The following DENND5B variants were observed in gnomAD, a reference collection of about 807,000 sequenced individuals.
DENND5B encodes the protein DENN domain containing 5B.
A neutral mutation model predicts 140.6 loss-of-function variants in DENND5B; 34 were observed. The observed-to-expected ratio is 0.24, with a 90% CI of 0.18 to 0.32. The LOEUF is 0.32. DENND5B is among the 10% of genes least tolerant of loss of function. The pLI, the probability that DENND5B is intolerant of heterozygous loss-of-function variation, is 1.00. For synonymous variants in DENND5B, 551 were observed against 562.1 expected (o/e 0.98, Z 0.28); for missense variants, 1,142 against 1,560.2 (o/e 0.73, Z 4.52).
intron 1 of DENND5B, chr12:31,535,198 T>A (rs1438449289): frequency 7.7e-6 from 2 of 258,790 alleles, no homozygotes; most frequent in Non-Finnish European, 7.4e-6. Flanking sequence ...TGTCCAGCCA[T>A]CCGCCATCAC....
rs772281987 is a variant in DENND5B, at chr12:31,423,690, T to C, written c.2392-15A>G. 1.2e-6 allele frequency: 2 copies of C among 1,609,032 alleles called. No homozygotes were observed. The highest frequency in any genetic ancestry group is 2.2e-5 in the East Asian group (1 of 44,836). On this transcript the variant is annotated splice_polypyrimidine_tract_variant and intron_variant, in intron 10 of 20. Coordinates refer to ENST00000389082, the MANE Select transcript of DENND5B (RefSeq NM_144973.4). ...GCCGACTTCCCCTGAAAGTACAAGA[T>C]GTGTAAAAATTTCATAAGAAATAAT...
chr12:31,471,062 A>G (rs573898979), intron 3 of DENND5B, among the ~76,000 whole-genome samples: 49 of 152,344 alleles, frequency 3.2e-4, no homozygotes, highest in African/African-American at 9.6e-4. Context: ...TTATTGTTCT[A>G]TGTAAAAGCT....
intron 11 of DENND5B, among the ~76,000 whole-genome samples, chr12:31,421,912 TA>T (rs1205422839): frequency 6.6e-6 from 1 of 152,122 alleles, no homozygotes; most frequent in Non-Finnish European, 1.5e-5. Context: ...AGAATGCTTT[TA>T]AACTTGATCT....
intron 4 of DENND5B, among the ~76,000 whole-genome samples, chr12:31,454,396 G>A (rs905332582): frequency 5.3e-5 from 8 of 152,106 alleles, no homozygotes; most frequent in African/African-American, 1.7e-4. Context: ...TAAATAAAGA[G>A]CTGAAATGTC....
intron 1 of DENND5B, among the ~76,000 whole-genome samples, chr12:31,522,126 C>T (rs1464094015): frequency 6.6e-6 from 1 of 152,206 alleles, no homozygotes; most frequent in Non-Finnish European, 1.5e-5. Context: ...TCCTTGCCCA[C>T]TTAGCAAACA....
chr12:31,420,610 A>C (rs1942975800), intron 11 of DENND5B, among the ~76,000 whole-genome samples: 1 of 151,980 alleles, frequency 6.6e-6, no homozygotes, highest in Non-Finnish European at 1.5e-5. Context: ...TACCTGGCTG[A>C]CTTTTATATT....
intron 1 of DENND5B, among the ~76,000 whole-genome samples, chr12:31,515,150 C>T (rs1379317878): frequency 2.0e-5 from 3 of 151,706 alleles, no homozygotes; most frequent in Non-Finnish European, 2.9e-5. Flanking sequence ...GTAAGACTTG[C>T]GATTATAAGC....
At chr12:31,448,146 T>C (rs951119827) in intron 5 of DENND5B, among the ~76,000 whole-genome samples, 2 of 152,112 alleles carry the variant, frequency 1.3e-5, no homozygotes, top group Non-Finnish European at 2.9e-5. Flanking sequence ...TTTTTTTTTT[T>C]TCTTTGAGAT....
At chr12:31,459,562 A>ATTGTAATCC (rs1944924818) in intron 4 of DENND5B, among the ~76,000 whole-genome samples, 1 of 152,044 alleles carries the variant, frequency 6.6e-6, no homozygotes, top group Non-Finnish European at 1.5e-5. Flanking sequence ...TGCTGGGATT[A>ATTGTAATCC]CAAGCGCTTG....
At chr12:31,553,555 G>A (rs1749552285) in intron 1 of DENND5B, among the ~76,000 whole-genome samples, 1 of 152,210 alleles carries the variant, frequency 6.6e-6, no homozygotes. Flanking sequence ...TTGGGGTGGA[G>A]AGTTCTGTAG....
chr12:31,438,868 A>G (rs1943901727), intron 7 of DENND5B, among the ~76,000 whole-genome samples: 1 of 152,210 alleles, frequency 6.6e-6, no homozygotes, highest in Admixed American at 6.5e-5. Context: ...ACGGACTTAT[A>G]TAATAAACGA....
Position 31,564,185 on chromosome 12 carries a change from A to G in DENND5B, c.127+26521T>C, listed in dbSNP as rs189507043. 2.9e-4 allele frequency among the ~76,000 whole-genome samples: 44 copies of G among 152,310 alleles called. 1 individual carries two copies. The East Asian group carries it at 5.8e-3, about 20-fold the overall frequency. On this transcript the variant is annotated intron_variant, in intron 1 of 20. Transcript: ENST00000389082. ...TAGATTCATAATTCAGAGATAAAATATTATATATATACACATTAAAGCATA... is the reference window on the plus strand; with the variant it reads ...TAGATTCATAATTCAGAGATAAAATGTTATATATATACACATTAAAGCATA...
intron 1 of DENND5B, among the ~76,000 whole-genome samples, chr12:31,584,088 TTTATTACTC>T (rs1161081499): frequency 6.6e-6 from 1 of 152,218 alleles, no homozygotes; most frequent in Non-Finnish European, 1.5e-5. Flanking sequence ...GATATTTACT[TTTATTACTC>T]TGAGAGTATC....
chr12:31,527,807 T>C (rs1375139174), intron 1 of DENND5B, among the ~76,000 whole-genome samples: 1 of 152,070 alleles, frequency 6.6e-6, no homozygotes, highest in Non-Finnish European at 1.5e-5. Context: ...CTGACAGTTG[T>C]ATTAATAATA....
intron 3 of DENND5B, among the ~76,000 whole-genome samples, chr12:31,473,129 G>A (rs1413164262): frequency 2.0e-5 from 3 of 152,034 alleles, no homozygotes; most frequent in Non-Finnish European, 4.4e-5. Flanking sequence ...GTAGAGATGG[G>A]GTTTTGCTAT....
chr12:31,426,174 G>T, intron 9 of DENND5B, 119 bp downstream of exon 9: 1 of 1,238,068 alleles, frequency 8.1e-7, no homozygotes, highest in Non-Finnish European at 1.1e-6. Context: ...CAATGCCACA[G>T]TAAAAGTTTT....
intron 1 of DENND5B, among the ~76,000 whole-genome samples, chr12:31,530,967 T>C (rs1180747892): frequency 5.3e-5 from 8 of 152,236 alleles, no homozygotes; most frequent in African/African-American, 1.9e-4. Flanking sequence ...ATAGGTAAAA[T>C]TGAGAAAGGT....
chr12:31,524,152 A>T (rs745465313), intron 1 of DENND5B, among the ~76,000 whole-genome samples: 1 of 151,978 alleles, frequency 6.6e-6, no homozygotes, highest in Non-Finnish European at 1.5e-5. Context: ...AAAAGACAGT[A>T]GTAAACATAG....
rs1298928304 is a variant in DENND5B at position 31,430,478 on chromosome 12, C to A, written c.2106+2677G>T. Among the ~76,000 whole-genome samples the A allele has an allele frequency of 3.7e-3, 427 of 116,366 alleles. 4 individuals are homozygous for A. Among genetic ancestry groups the A allele is most frequent in the African/African-American group, 0.013 (395 of 31,508 alleles). 76.3% of individuals were successfully genotyped at this position (116,366 alleles called of 152,430 possible). A position where few individuals can be genotyped will look rare whatever the true frequency, so the allele number is the denominator to read the frequency against. Reference sequence around the variant, plus strand: ...ACCATCCTGGCCAACATGGTGAAACCCCGTCTCTACTAAAAATACAAAAAA... The same window carrying A: ...ACCATCCTGGCCAACATGGTGAAACACCGTCTCTACTAAAAATACAAAAAA... On this transcript the variant is annotated intron_variant, in intron 8 of 20. Transcript: ENST00000389082.
Sources: allele counts gnomAD v4.1 joint callset (sites outside exome capture counted in the v4.1 genomes callset), GRCh38; gene constraint gnomAD v4.1.1; transcripts MANE v1.5; gene names NCBI Gene and HGNC (gene_info 2026-07-23, HGNC 2026-07-21).